Variants in CR1L observed in about 807,000 individuals in gnomAD.
CR1L encodes the protein complement C3b/C4b receptor 1 like, also known as complement component receptor 1-like protein.
In CR1L, 59 loss-of-function variants were observed where a neutral mutation model predicts 62.3. The observed-to-expected ratio is 0.95, with a 90% CI of 0.77 to 1.18. The LOEUF (loss-of-function observed/expected upper bound fraction) is 1.18. CR1L is among the 50% of genes most tolerant of loss of function. CR1L has a pLI of 0.00. For synonymous variants in CR1L, 279 were observed against 248.7 expected, an observed-to-expected ratio of 1.12 and a Z score of -1.15; for missense variants, 700 against 702.8, an observed-to-expected ratio of 1.00 and a Z score of 0.04.
chr1:207,687,971 C>T (rs2102464865), intron 4 of CR1L, among the ~76,000 whole-genome samples: 1 of 151,892 alleles, frequency 6.6e-6, no homozygotes, highest in East Asian at 1.9e-4. Context: ...ACTGCTTTTT[C>T]TATTCTACTT....
At chr1:207,677,329 AAAAAAAAAG>A in intron 1 of CR1L, 51 bp from the exon 2 acceptor site, 1 of 1,243,094 alleles carries the variant, frequency 8.0e-7, no homozygotes, top group Non-Finnish European at 1.1e-6. Flanking sequence ...AAAAAAAAAA[AAAAAAAAAG>A]TATGGTAATT....
intron 1 of CR1L, among the ~76,000 whole-genome samples, chr1:207,664,974 AC>A (rs1485111965): frequency 6.6e-6 from 1 of 152,204 alleles, no homozygotes; most frequent in Non-Finnish European, 1.5e-5. Flanking sequence ...ACATATGTTT[AC>A]CCCAAGCACA....
At chr1:207,676,301 T>A (rs529519495) in intron 1 of CR1L, among the ~76,000 whole-genome samples, 1 of 152,236 alleles carries the variant, frequency 6.6e-6, no homozygotes, top group African/African-American at 2.4e-5. Context: ...AAAGCAGGTG[T>A]CCTCAACCCC....
intron 1 of CR1L, among the ~76,000 whole-genome samples, chr1:207,648,934 G>C (rs1663179629): frequency 6.6e-6 from 1 of 151,956 alleles, no homozygotes; most frequent in African/African-American, 2.4e-5. Context: ...ACATTGTTTT[G>C]TGTTTGACAG....
At position 207,717,661 on chromosome 1, in the gene CR1L, G is replaced by A; in HGVS notation, c.1612G>A (p.Ala538Thr). ...TGGGAATGGGGTTTGGAGCAGCCCT[G>A]CCCCTCGCTGTGAACTTCCTGTTGG... ...PHGNGVWSSP[A>T]PRCELPVGAG... is the part of the protein sequence containing the mutation. The change falls in exon 11 of 12, where the codon GCC becomes ACC. Residue 538 changes from alanine (A) to threonine (T), a missense_variant. Transcript: ENST00000508064. The A allele has an allele frequency of 6.2e-7, 1 of 1,613,994 alleles. No homozygotes were observed. Among genetic ancestry groups the A allele is most frequent in the Non-Finnish European group, 8.5e-7 (1 of 1,179,886 alleles).
At chr1:207,696,038 G>A (rs1010106866) in intron 5 of CR1L, among the ~76,000 whole-genome samples, 7 of 152,168 alleles carry the variant, frequency 4.6e-5, no homozygotes, top group Non-Finnish European at 1.0e-4. Flanking sequence ...TAGAAGGGCA[G>A]GAAAATCAGG....
chr1:207,707,317 T>C (rs1485692132), intron 9 of CR1L, among the ~76,000 whole-genome samples: 1 of 152,084 alleles, frequency 6.6e-6, no homozygotes, highest in Non-Finnish European at 1.5e-5. Context: ...CGTGAAATCA[T>C]GAAAAAGGTA....
intron 9 of CR1L, among the ~76,000 whole-genome samples, chr1:207,702,718 C>T (rs942031289): frequency 6.6e-6 from 1 of 152,176 alleles, no homozygotes; most frequent in Non-Finnish European, 1.5e-5. Flanking sequence ...AAGCTAAAGC[C>T]TAATCCTGAG....
At chr1:207,720,918 A>G (rs2102485823) in intron 11 of CR1L, among the ~76,000 whole-genome samples, 1 of 152,300 alleles carries the variant, frequency 6.6e-6, no homozygotes, top group East Asian at 1.9e-4. Context: ...AGCTTCTCTC[A>G]GTTCCACCCA....
intron 4 of CR1L, among the ~76,000 whole-genome samples, chr1:207,688,174 C>T (rs1470967173): frequency 6.6e-6 from 1 of 152,046 alleles, no homozygotes; most frequent in Non-Finnish European, 1.5e-5. Flanking sequence ...TACTTGGGAG[C>T]CTGAGGTGGG....
intron 10 of CR1L, among the ~76,000 whole-genome samples, chr1:207,717,238 G>T (rs544020539): frequency 6.6e-6 from 1 of 152,154 alleles, no homozygotes; most frequent in South Asian, 2.1e-4. Flanking sequence ...TACCTGGATG[G>T]TCCAAAAACA....
At chr1:207,664,236 T>C (rs1663473964) in intron 1 of CR1L, among the ~76,000 whole-genome samples, 1 of 152,212 alleles carries the variant, frequency 6.6e-6, no homozygotes. Context: ...GGAAGAGCAT[T>C]AGCCTGCGTA....
chr1:207,718,844 A>G (rs953760142), intron 11 of CR1L, among the ~76,000 whole-genome samples: 1 of 151,086 alleles, frequency 6.6e-6, no homozygotes, highest in South Asian at 2.1e-4. Flanking sequence ...AATAGCAAAG[A>G]CTTGGAACCA....
intron 4 of CR1L, among the ~76,000 whole-genome samples, chr1:207,692,777 A>G (rs1186115485): frequency 6.6e-6 from 1 of 151,584 alleles, no homozygotes; most frequent in Middle Eastern, 3.4e-3. Flanking sequence ...CAGGCGTGCC[A>G]TACCCCCAGC....
intron 1 of CR1L, among the ~76,000 whole-genome samples, chr1:207,670,193 G>A (rs1412771227): frequency 6.6e-6 from 1 of 150,746 alleles, no homozygotes; most frequent in South Asian, 2.1e-4. Flanking sequence ...AACTGTCCTC[G>A]TCCCCTACCC....
At chr1:207,669,801 C>A (rs1663582135) in intron 1 of CR1L, among the ~76,000 whole-genome samples, 1 of 151,264 alleles carries the variant, frequency 6.6e-6, no homozygotes, top group South Asian at 2.1e-4. Context: ...GGGCTTAAGT[C>A]GTGACGAGCG....
intron 8 of CR1L, 45 bp from the exon 9 acceptor site, chr1:207,701,474 G>A (rs772353640): frequency 6.2e-7 from 1 of 1,609,590 alleles, no homozygotes; most frequent in South Asian, 1.1e-5. Flanking sequence ...ACTGAAGAGA[G>A]TTCAGATTAC....
At chr1:207,708,785 T>C (rs1482071586) in intron 10 of CR1L, 14 of 454,204 alleles carry the variant, frequency 3.1e-5, no homozygotes, top group Non-Finnish European at 4.4e-6. Context: ...ATATAAAATG[T>C]GTATAATCCT....
rs556937903 is a variant in CR1L, at chr1:207,678,285, C to A, written c.365C>A (p.Ser122Tyr). ...DIQFRSQIKY[S>Y]CPKGYRLIGS... ...CAGTTCAGATCCCAAATTAAATATT[C>A]TTGTCCTAAAGGGTGAGTTGGCATC... is the stretch of plus-strand genomic sequence containing the variant. Residue 122 changes from serine to tyrosine, a missense_variant, in exon 3 of 12, where the codon TCT (serine) becomes TAT (tyrosine). Coordinates refer to ENST00000508064, the MANE Select transcript of CR1L (RefSeq NM_175710.2). 5.0e-6 allele frequency: 8 copies of A among 1,613,216 alleles called. No individual in the cohort carries two copies. The East Asian group carries it at 1.8e-4, about 36-fold the overall frequency.
Sources: gnomAD v4.1 joint callset for allele counts (sites outside exome capture counted in the v4.1 genomes callset) on GRCh38, gnomAD v4.1.1 for gene constraint, MANE v1.5 for transcripts, NCBI Gene and HGNC (gene_info 2026-07-23, HGNC 2026-07-21) for gene names.